The following AGBL1 variants were observed in gnomAD, a reference collection of about 807,000 sequenced individuals.
AGBL1 encodes the protein cytosolic carboxypeptidase 4.
Under a neutral mutation model 118.9 loss-of-function variants are expected in AGBL1, and 130 were observed. That is an observed-to-expected ratio of 1.09 (90% CI 0.95 to 1.26). The LOEUF (loss-of-function observed/expected upper bound fraction) is 1.26, where lower values mean the gene tolerates loss of function less well. AGBL1 is among the 50% of genes most tolerant of loss of function. The probability of loss-of-function intolerance (pLI) is 0.00; values close to 1 mark genes in which losing one functional copy is unlikely to be tolerated. For missense variants in AGBL1, 1,584 were observed against 1,298.1 expected (o/e 1.22, Z -3.38); for synonymous variants, 555 against 478.9 (o/e 1.16, Z -2.08).
At chr15:86,293,609 A>AT (rs1294055961) in intron 16 of AGBL1, among the ~76,000 whole-genome samples, 1 of 152,176 alleles carries the variant, frequency 6.6e-6, no homozygotes, top group East Asian at 1.9e-4. Context: ...CCCTTTCACC[A>AT]TGTGAGGTAT....
At chr15:86,294,270 G>A (rs914369846) in intron 16 of AGBL1, among the ~76,000 whole-genome samples, 2 of 151,748 alleles carry the variant, frequency 1.3e-5, no homozygotes, top group African/African-American at 4.8e-5. Context: ...GTGGTCGTGG[G>A]TGCCTGTAAT....
intron 21 of AGBL1, among the ~76,000 whole-genome samples, chr15:86,650,320 TTCAGCCA>T (rs1172783397): frequency 1.3e-5 from 2 of 152,180 alleles, no homozygotes; most frequent in Non-Finnish European, 2.9e-5. Flanking sequence ...AAAGTGGTGT[TTCAGCCA>T]TCAGTCATCT....
intron 13 of AGBL1, 142 bp downstream of exon 13, chr15:86,267,218 T>C: frequency 1.5e-6 from 1 of 683,272 alleles, no homozygotes. Flanking sequence ...TCATAAAAAT[T>C]GGCAAACAGT....
chr15:86,427,150 G>A (rs1260474088), intron 18 of AGBL1, among the ~76,000 whole-genome samples: 1 of 152,140 alleles, frequency 6.6e-6, no homozygotes, highest in Non-Finnish European at 1.5e-5. Context: ...AAATGACTTT[G>A]TTTTTGACTG....
chr15:86,916,622 C>T (rs187510469), downstream of AGBL1, among the ~76,000 whole-genome samples: 9 of 152,300 alleles, frequency 5.9e-5, no homozygotes, highest in East Asian at 1.9e-4. Context: ...GGCTCTGGCT[C>T]GGTTACTTCA....
intron 21 of AGBL1, among the ~76,000 whole-genome samples, chr15:86,581,898 G>A (rs1003818267): frequency 6.6e-6 from 1 of 152,084 alleles, no homozygotes; most frequent in African/African-American, 2.4e-5. Flanking sequence ...TTGATTATGA[G>A]GATCTTATGT....
chr15:86,673,024 C>A (rs2085774048), intron 21 of AGBL1, among the ~76,000 whole-genome samples: 1 of 152,094 alleles, frequency 6.6e-6, no homozygotes, highest in South Asian at 2.1e-4. Flanking sequence ...TTCTTATTGT[C>A]CCATTCCTGT....
At chr15:86,220,962 G>C (rs2078271274) in intron 5 of AGBL1, among the ~76,000 whole-genome samples, 1 of 152,150 alleles carries the variant, frequency 6.6e-6, no homozygotes, top group Non-Finnish European at 1.5e-5. Flanking sequence ...CACTTTGGGA[G>C]GCTGAGACAG....
chr15:86,387,813 A>G (rs532820758), intron 17 of AGBL1, among the ~76,000 whole-genome samples: 1 of 152,232 alleles, frequency 6.6e-6, no homozygotes, highest in East Asian at 1.9e-4. Context: ...CGCTCTGCCA[A>G]TGTATGAATC....
At chr15:86,894,563 T>A (rs2080096038) in intron 22 of AGBL1, among the ~76,000 whole-genome samples, 1 of 152,102 alleles carries the variant, frequency 6.6e-6, no homozygotes. Context: ...AACTTAAGTG[T>A]GAGGCTGTTT....
At chr15:86,281,632 G>A (rs1363843961) in intron 16 of AGBL1, among the ~76,000 whole-genome samples, 1 of 152,150 alleles carries the variant, frequency 6.6e-6, no homozygotes. Flanking sequence ...GTTTATAGAT[G>A]CAAGAACTGA....
chr15:87,030,527 T>G (rs369558206), downstream of AGBL1, among the ~76,000 whole-genome samples: 1 of 151,932 alleles, frequency 6.6e-6, no homozygotes, highest in African/African-American at 2.4e-5. Flanking sequence ...GTGTTTAACA[T>G]ATAAGAATAA....
chr15:86,683,694 A>T (rs985488491), intron 22 of AGBL1, among the ~76,000 whole-genome samples: 1 of 152,152 alleles, frequency 6.6e-6, no homozygotes, highest in Non-Finnish European at 1.5e-5. Context: ...CTGGAAAAGG[A>T]TTTCAATCAA....
intron 1 of AGBL1, chr15:86,083,264 G>A (rs1330956626): frequency 2.0e-5 from 3 of 152,200 alleles, no homozygotes; most frequent in Non-Finnish European, 2.9e-5. Context: ...TGGAGAAGAT[G>A]GGGAACTGCC....
intron 18 of AGBL1, among the ~76,000 whole-genome samples, chr15:86,505,544 G>A (rs1415989116): frequency 6.6e-6 from 1 of 151,910 alleles, no homozygotes; most frequent in Non-Finnish European, 1.5e-5. Flanking sequence ...AACTTCTGTT[G>A]AGGATCTGTA....
At chr15:87,015,826 T>G (rs1379856360) in intron 24 of AGBL1, among the ~76,000 whole-genome samples, 2 of 152,162 alleles carry the variant, frequency 1.3e-5, no homozygotes, top group African/African-American at 4.8e-5. Flanking sequence ...TAGACACTTA[T>G]GGGAAAAATG....
At chr15:86,453,690 T>A (rs180751690) in intron 18 of AGBL1, among the ~76,000 whole-genome samples, 1 of 152,318 alleles carries the variant, frequency 6.6e-6, no homozygotes, top group East Asian at 1.9e-4. Context: ...CTAAAATAAC[T>A]GATTTCAGTG....
chr15:86,662,249 C>T (rs1365488553), intron 21 of AGBL1, among the ~76,000 whole-genome samples: 1 of 152,228 alleles, frequency 6.6e-6, no homozygotes, highest in Non-Finnish European at 1.5e-5. Context: ...ATATTACATA[C>T]TGCATAGGGA....
intron 1 of AGBL1, among the ~76,000 whole-genome samples, chr15:86,123,491 C>T (rs1009566835): frequency 4.6e-5 from 7 of 152,182 alleles, no homozygotes; most frequent in Non-Finnish European, 8.8e-5. Flanking sequence ...CCGCCTGCCT[C>T]GGCCTCTCAA....
Sources: gnomAD v4.1 joint callset for allele counts (sites outside exome capture counted in the v4.1 genomes callset) on GRCh38, gnomAD v4.1.1 for gene constraint, MANE v1.5 for transcripts, NCBI Gene and HGNC (gene_info 2026-07-23, HGNC 2026-07-21) for gene names.